CLASP1: variants seen among roughly 807,000 people sequenced by gnomAD.
CLASP1 encodes the protein CLIP-associating protein 1.
Under a neutral mutation model 192.3 loss-of-function variants are expected in CLASP1, and 38 were observed. That is an observed-to-expected ratio of 0.20 (90% confidence interval 0.15 to 0.26). The LOEUF is 0.26. Among genes scored for constraint, CLASP1 ranks in the 10% least tolerant of loss-of-function variants. The probability of loss-of-function intolerance (pLI) is 1.00; values close to 1 mark genes in which losing one functional copy is unlikely to be tolerated. For missense variants in CLASP1, 1,433 were observed against 1,932.5 expected (o/e 0.74, Z 4.85); for synonymous variants, 691 against 712.8 (o/e 0.97, Z 0.49).
At chr2:121,396,123 T>C (rs938963664) in intron 30 of CLASP1, among the ~76,000 whole-genome samples, 1 of 152,318 alleles carries the variant, frequency 6.6e-6, no homozygotes, top group South Asian at 2.1e-4. Context: ...TTGATTTTAA[T>C]TGCAGCCAGG....
At chr2:121,608,263 C>T (rs1484651711) in intron 1 of CLASP1, among the ~76,000 whole-genome samples, 1 of 152,166 alleles carries the variant, frequency 6.6e-6, no homozygotes, top group Non-Finnish European at 1.5e-5. Flanking sequence ...TACTATTAGT[C>T]CAAGAAGCAG....
chr2:121,555,074 G>A (rs2058416806), intron 2 of CLASP1, among the ~76,000 whole-genome samples: 1 of 152,218 alleles, frequency 6.6e-6, no homozygotes, highest in African/African-American at 2.4e-5. Flanking sequence ...TGGGTGGAAA[G>A]CAACACGGTC....
At chr2:121,596,142 A>G (rs1383223225) in intron 2 of CLASP1, among the ~76,000 whole-genome samples, 1 of 152,228 alleles carries the variant, frequency 6.6e-6, no homozygotes, top group Non-Finnish European at 1.5e-5. Flanking sequence ...ACATACATCA[A>G]GGACACCATT....
intron 39 of CLASP1, among the ~76,000 whole-genome samples, chr2:121,342,124 A>G (rs985834495): frequency 6.6e-6 from 1 of 151,998 alleles, no homozygotes; most frequent in African/African-American, 2.4e-5. Flanking sequence ...TTAAAAAAAG[A>G]ATTTTTTTTT....
chr2:121,595,545 A>G (rs2063033150), intron 2 of CLASP1, among the ~76,000 whole-genome samples: 1 of 152,382 alleles, frequency 6.6e-6, no homozygotes, highest in East Asian at 1.9e-4. Context: ...AAGGGAAAGT[A>G]TAAGTGTTAA....
At chr2:121,628,886 CAA>C (rs749588305) in intron 1 of CLASP1, among the ~76,000 whole-genome samples, 26 of 78,074 alleles carry the variant, frequency 3.3e-4, no homozygotes, top group Admixed American at 6.3e-4. Context: ...GACTCCATCT[CAA>C]AAAAAAAAAA....
chr2:121,367,232 T>A (rs1334391438), intron 35 of CLASP1, among the ~76,000 whole-genome samples: 1 of 152,190 alleles, frequency 6.6e-6, no homozygotes. Flanking sequence ...GCGCTCGCCA[T>A]CCTGTTTGTT....
At chr2:121,405,651 C>T (rs1044751071) in intron 25 of CLASP1, among the ~76,000 whole-genome samples, 1 of 152,196 alleles carries the variant, frequency 6.6e-6, no homozygotes, top group African/African-American at 2.4e-5. Flanking sequence ...TAGACCAATG[C>T]CAATCAACAG....
At chr2:121,432,872 C>T (rs6706128) in intron 19 of CLASP1, among the ~76,000 whole-genome samples, 19,564 of 152,122 alleles carry the variant, frequency 0.13, 1,724 homozygotes, top group African/African-American at 0.24. Context: ...GCTTATTACC[C>T]TCAAATAATT....
At chr2:121,406,065 C>G (rs2076870503) in intron 25 of CLASP1, among the ~76,000 whole-genome samples, 1 of 152,194 alleles carries the variant, frequency 6.6e-6, no homozygotes, top group South Asian at 2.1e-4. Flanking sequence ...AATTCCCATT[C>G]ACGTCTCCTT....
At position 121,365,750 on chromosome 2, in the gene CLASP1, A is replaced by T. The variant is rs529938016; in HGVS notation, c.3887-466T>A. 2.0e-5 allele frequency among the ~76,000 whole-genome samples: 3 copies of T among 152,232 alleles called. No individual in the cohort carries two copies. The East Asian group carries it at 5.8e-4, about 29-fold the overall frequency. On this transcript the variant is annotated intron_variant, in intron 35 of 39. Coordinates refer to ENST00000263710, the Ensembl canonical transcript of CLASP1. Reference sequence around the variant, plus strand: ...CAAGGCCTCCTCACCATCACATCTGATTATCCTCCATTCCCTTCTCAAATG... The same window carrying T: ...CAAGGCCTCCTCACCATCACATCTGTTTATCCTCCATTCCCTTCTCAAATG...
Position 121,525,832 on chromosome 2 carries a change from C to T in CLASP1, c.546+13G>A, listed in dbSNP as rs775473994. 22 of 1,601,554 alleles carry T rather than the reference C, an allele frequency of 1.4e-5. 1 individual carries two copies. In the South Asian group the frequency reaches 2.4e-4, roughly 18 times the overall value. ...AGCAATGACTTCTCCCGAGGGTTTT[C>T]CTTCTCACTCACCTGGCTGTTTGGA... On this transcript the variant is annotated intron_variant, in intron 6 of 39. Coordinates refer to ENST00000263710, the Ensembl canonical transcript of CLASP1.
intron 29 of CLASP1, 36 bp from the exon 31 acceptor site, chr2:121,397,319 T>A (rs763524661): frequency 6.3e-7 from 1 of 1,581,478 alleles, no homozygotes; most frequent in Admixed American, 1.7e-5. Context: ...TTAAGTACAC[T>A]TGATGAATCT....
At chr2:121,530,357 A>T in intron 2 of CLASP1, 32 bp from the exon 3 acceptor site, 1 of 1,526,670 alleles carries the variant, frequency 6.6e-7, no homozygotes, top group Non-Finnish European at 8.9e-7. Flanking sequence ...GCCTGTTAGC[A>T]GCCGGCCTGC....
chr2:121,571,209 T>A (rs1233874084), intron 2 of CLASP1, among the ~76,000 whole-genome samples: 8 of 152,104 alleles, frequency 5.3e-5, no homozygotes, highest in Non-Finnish European at 1.2e-4. Context: ...TGGGTCTCAC[T>A]CTGTCACCCA....
At chr2:121,488,522 T>C (rs2093122302) in intron 8 of CLASP1, among the ~76,000 whole-genome samples, 1 of 152,192 alleles carries the variant, frequency 6.6e-6, no homozygotes, top group Non-Finnish European at 1.5e-5. Flanking sequence ...ACAAAATGGC[T>C]TTCTGGAATA....
At chr2:121,614,205 G>A (rs924087090) in intron 1 of CLASP1, among the ~76,000 whole-genome samples, 8 of 152,222 alleles carry the variant, frequency 5.3e-5, no homozygotes, top group South Asian at 2.1e-4. Context: ...CGCATTAAAA[G>A]TGTGAGGAAG....
intron 2 of CLASP1, among the ~76,000 whole-genome samples, chr2:121,584,699 C>T (rs1037743711): frequency 6.6e-6 from 1 of 152,098 alleles, no homozygotes; most frequent in East Asian, 1.9e-4. Flanking sequence ...CTTTAGTACA[C>T]ATTTTGACAC....
intron 34 of CLASP1, among the ~76,000 whole-genome samples, chr2:121,376,526 T>TGGGGGGGGAGGGGG (rs2070199181): frequency 1.9e-5 from 2 of 105,134 alleles, no homozygotes; most frequent in East Asian, 2.7e-4. Context: ...TGGGAAGGGG[T>TGGGGGGGGAGGGGG]GGGGGGGGGG....
Sources: gnomAD v4.1 joint callset for allele counts (sites outside exome capture counted in the v4.1 genomes callset) on GRCh38, gnomAD v4.1.1 for gene constraint, MANE v1.5 for transcripts, NCBI Gene and HGNC (gene_info 2026-07-23, HGNC 2026-07-21) for gene names.